The following TRIM72 variants were observed in gnomAD, a reference collection of about 807,000 sequenced individuals.
The protein encoded by TRIM72 is tripartite motif-containing protein 72.
A neutral mutation model predicts 31.6 loss-of-function variants in TRIM72; 33 were observed. The observed-to-expected ratio is 1.04, with a 90% confidence interval of 0.79 to 1.40. TRIM72 has a LOEUF of 1.40. TRIM72 is among the 40% of genes most tolerant of loss of function. The pLI is 0.00. For synonymous variants in TRIM72, 301 were observed against 314.4 expected, an observed-to-expected ratio of 0.96 and a Z score of 0.45; for missense variants, 666 against 682.7, an observed-to-expected ratio of 0.98 and a Z score of 0.27.
rs2079566422 is a variant in TRIM72 at position 31,230,475 on chromosome 16, C to T, written c.*5720C>T. Reference sequence around the variant, plus strand: ...GGCGTGGTGGCTCACGCCTGTAATCCCAGCACTTTGGGAGGCTGAGGCAGG... The same window carrying T: ...GGCGTGGTGGCTCACGCCTGTAATCTCAGCACTTTGGGAGGCTGAGGCAGG... On this transcript the variant is annotated 3_prime_UTR_variant, in exon 7 of 7. Transcript: ENST00000322122. The T allele has an allele frequency of 6.6e-6, 1 of 152,554 alleles. No individual in the cohort carries two copies. 9.5% of individuals were successfully genotyped at this position (152,554 alleles called of 1,614,324 possible).
Position 31,215,871 on chromosome 16 carries a change from G to C in TRIM72, c.390+743G>C, listed in dbSNP as rs1424019672. On this transcript the variant is annotated intron_variant, in intron 2 of 6. Transcript: ENST00000322122. This position sits in a 1 kb window ranked among gnomAD's most constrained non-coding sequence, Gnocchi z 6.3. ...AGAGACACCCAGACAGAGGCAAATA[G>C]AGACGAACGCACACTGGCTGGTGCG... The C allele has an allele frequency of 6.6e-6, 1 of 152,306 alleles. No homozygotes were observed. The highest frequency in any genetic ancestry group is 1.5e-5 in the Non-Finnish European group (1 of 68,072). The allele number at this position is 152,306 out of a possible 1,614,324, so 9.4% of individuals were successfully genotyped here.
At chr16:31,223,567 C>A (rs1260545125) in intron 6 of TRIM72, among the ~76,000 whole-genome samples, 1 of 152,128 alleles carries the variant, frequency 6.6e-6, no homozygotes, top group African/African-American at 2.4e-5. Flanking sequence ...GGGCCTTGGG[C>A]CTTGTCTGGG....
In TRIM72 at chr16:31,216,742, C is replaced by T. The variant is rs577520252; in HGVS notation, c.390+1614C>T. 2 of 1,586,896 alleles carry T rather than the reference C, an allele frequency of 1.3e-6. No individual in the cohort carries two copies. Among genetic ancestry groups the T allele is most frequent in the Non-Finnish European group, 1.7e-6 (2 of 1,161,944 alleles). ...CGGGGTTGGGTCCCGAGATCACGTACCAGCTCAGAGTGGCCCTCACGCAGC... is the reference window on the plus strand; with the variant it reads ...CGGGGTTGGGTCCCGAGATCACGTATCAGCTCAGAGTGGCCCTCACGCAGC... On this transcript the variant is annotated intron_variant, in intron 2 of 6. Transcript: ENST00000322122. This position sits in a 1 kb window ranked among gnomAD's most constrained non-coding sequence, Gnocchi z 6.7.
In TRIM72 at chr16:31,215,855, C is replaced by T. The variant is rs1045692293; in HGVS notation, c.390+727C>T. 1 of 152,244 alleles carries T rather than the reference C, an allele frequency of 6.6e-6. No individual in the cohort carries two copies. The highest frequency in any genetic ancestry group is 2.4e-5 in the African/African-American group (1 of 41,454). The allele number at this position is 152,244 out of a possible 1,614,324, so 9.4% of individuals were successfully genotyped here. A position where few individuals can be genotyped will look rare whatever the true frequency, so the allele number is the denominator to read the frequency against. On this transcript the variant is annotated intron_variant, in intron 2 of 6. Transcript: ENST00000322122. The surrounding 1 kb of genome is among the most constrained non-coding windows in gnomAD (Gnocchi z 6.3). ...TCCCGAAGTACCCAGCAGAGACACC[C>T]AGACAGAGGCAAATAGAGACGAACG...
At position 31,219,473 on chromosome 16, in the gene TRIM72, A is replaced by T. The variant is rs773120703; in HGVS notation, c.671A>T (p.Lys224Met). 1.9e-6 allele frequency: 3 copies of T among 1,610,938 alleles called. No homozygotes were observed. The Admixed American group carries it at 5.1e-5, about 27-fold the overall frequency. The change falls in exon 4 of 7, where the codon AAG becomes ATG. Residue 224 changes from lysine to methionine, a missense_variant. Transcript: ENST00000322122. The surrounding 1 kb of genome is among the most constrained non-coding windows in gnomAD (Gnocchi z 4.2). ...CTGGAGCAGCTGCGGCAGATGGAGA[A>T]GGTCCTGGAGGAGGTGGCGGACAAG... ...SYLEQLRQME[K>M]VLEEVADKPQ...
At position 31,219,276 on chromosome 16, in the gene TRIM72, C is replaced by T; in HGVS notation, c.487-13C>T. 8.1e-6 allele frequency: 13 copies of T among 1,614,184 alleles called. No homozygotes were observed. The highest frequency in any genetic ancestry group is 1.1e-5 in the Non-Finnish European group (13 of 1,180,034). On this transcript the variant is annotated splice_polypyrimidine_tract_variant and intron_variant, in intron 3 of 6. Coordinates refer to ENST00000322122, the MANE Select transcript of TRIM72 (RefSeq NM_001008274.4). The surrounding 1 kb of genome is among the most constrained non-coding windows in gnomAD (Gnocchi z 4.2). ...GAGTCTTTATCCCTTCAATCACTGC[C>T]CCATCCCTGCAGGAGACAGTGCGTC...
At position 31,216,654 on chromosome 16, in the gene TRIM72, C is replaced by T. The variant is rs1367277156; in HGVS notation, c.390+1526C>T. The T allele has an allele frequency of 2.6e-5, 36 of 1,391,948 alleles. No homozygotes were observed. Among genetic ancestry groups the T allele is most frequent in the Non-Finnish European group, 3.3e-5 (34 of 1,025,602 alleles). The allele number at this position is 1,391,948 out of a possible 1,614,324, so 86.2% of individuals were successfully genotyped here. A position where few individuals can be genotyped will look rare whatever the true frequency, so the allele number is the denominator to read the frequency against. On this transcript the variant is annotated intron_variant, in intron 2 of 6. Transcript: ENST00000322122. This position sits in a 1 kb window ranked among gnomAD's most constrained non-coding sequence, Gnocchi z 6.7. ...TCTGAGGGAGGACCCCAGGAGGGAC[C>T]CTGAAGGAGGGGAACAGGAAGGCTC...
Position 31,224,631 on chromosome 16 carries a change from C to T in TRIM72, c.1310C>T (p.Pro437Leu), listed in dbSNP as rs1281267789. 111 of 1,548,916 alleles carry T rather than the reference C, an allele frequency of 7.2e-5. No individual in the cohort carries two copies. Among genetic ancestry groups the T allele is most frequent in the Non-Finnish European group, 8.1e-5 (94 of 1,153,458 alleles). The change falls in exon 7 of 7, where the codon CCG (proline) becomes CTG (leucine). Residue 437 changes from proline to leucine, a missense_variant. Pro to Leu is a moderately conservative substitution (Grantham distance 98). Transcript: ENST00000322122. ...GCCAGCGACGCCGACGCGCTCGTGCCGCTTTTTGCCTTCCACGAGCGCCTG... is the reference window on the plus strand; with the variant it reads ...GCCAGCGACGCCGACGCGCTCGTGCTGCTTTTTGCCTTCCACGAGCGCCTG... ...YDASDADALV[P>L]LFAFHERLPR...
chr16:31,219,860 T>G lies in TRIM72; in HGVS notation c.717+341T>G, dbSNP rs2079525929. 6.9e-6 allele frequency among the ~76,000 whole-genome samples: 1 copy of G among 145,694 alleles called. No individual in the cohort carries two copies. On this transcript the variant is annotated intron_variant, in intron 4 of 6. Coordinates refer to ENST00000322122, the MANE Select transcript of TRIM72 (RefSeq NM_001008274.4). The surrounding 1 kb of genome is among the most constrained non-coding windows in gnomAD (Gnocchi z 4.2). ...TCACTGCAAGCTCCGCCTCCTGGGT[T>G]CATGCTATTCTCCTGCCTCAGCCTC...
In TRIM72 at chr16:31,219,396, G is replaced by A. The variant is rs747071653; in HGVS notation, c.594G>A (p.Arg198=). The part of the protein sequence containing the change: ...GSLDREAERV[R]GEAGVALRRE... ...TGGACCGCGAGGCAGAGCGTGTACG[G>A]GGTGAGGCAGGGGTCGCCTTGCGCC... Residue 198 remains arginine (R), a synonymous_variant, in exon 4 of 7, where the codon CGG becomes CGA. Coordinates refer to ENST00000322122, the MANE Select transcript of TRIM72 (RefSeq NM_001008274.4). The surrounding 1 kb of genome is among the most constrained non-coding windows in gnomAD (Gnocchi z 4.2). 3 of 1,613,982 alleles carry A rather than the reference G, an allele frequency of 1.9e-6. No individual in the cohort carries two copies. The highest frequency in any genetic ancestry group is 2.5e-6 in the Non-Finnish European group (3 of 1,179,942).
rs1223412440 is a variant in TRIM72 at position 31,226,570 on chromosome 16, A to G, written c.*1815A>G. On this transcript the variant is annotated 3_prime_UTR_variant, in exon 7 of 7. Transcript: ENST00000322122. Reference sequence around the variant, plus strand: ...TCTTGAACGTTGAGGAAGCCAGCCAAGAGAAAGAGCCTGATGCCAAGGTCA... The same window carrying G: ...TCTTGAACGTTGAGGAAGCCAGCCAGGAGAAAGAGCCTGATGCCAAGGTCA... The G allele has an allele frequency of 6.6e-6, 1 of 152,256 alleles. No homozygotes were observed. The allele number at this position is 152,256 out of a possible 1,614,324, so 9.4% of individuals were successfully genotyped here.
rs901958860 is a variant in TRIM72, at chr16:31,224,924, C to T, written c.*169C>T. 2 of 649,762 alleles carry T rather than the reference C, an allele frequency of 3.1e-6. No individual in the cohort carries two copies. Among genetic ancestry groups the T allele is most frequent in the Admixed American group, 7.7e-5 (2 of 25,964 alleles). 40.2% of individuals were successfully genotyped at this position (649,762 alleles called of 1,614,324 possible). ...GCGTGGGGTAGGACTGGCTTGGTGG[C>T]TCATGCCTGTAATCCCAGCACTTTG... On this transcript the variant is annotated 3_prime_UTR_variant, in exon 7 of 7. Coordinates refer to ENST00000322122, the MANE Select transcript of TRIM72 (RefSeq NM_001008274.4).
Position 31,222,809 on chromosome 16 carries a change from T to TCCCCCCCCCCCC in TRIM72, c.741-14_741-13insCCCCCCCCCCCC. 1 of 505,034 alleles carries TCCCCCCCCCCCC rather than the reference T, an allele frequency of 2.0e-6. No individual in the cohort carries two copies. Among genetic ancestry groups the TCCCCCCCCCCCC allele is most frequent in the Non-Finnish European group, 3.4e-6 (1 of 291,458 alleles). The allele number at this position is 505,034 out of a possible 1,614,324, so 31.3% of individuals were successfully genotyped here. A position where few individuals can be genotyped will look rare whatever the true frequency, so the allele number is the denominator to read the frequency against. On this transcript the variant is annotated splice_polypyrimidine_tract_variant and intron_variant, in intron 5 of 6. Coordinates refer to ENST00000322122, the MANE Select transcript of TRIM72 (RefSeq NM_001008274.4). ...CTCCCCCCTCACACATGCCTCCCCT[T>TCCCCCCCCCCCC]CCCCTCCCCACCCCCAGGCTGCAGA... is the stretch of plus-strand genomic sequence containing the variant.
rs774961699 is a variant in TRIM72 at position 31,222,858 on chromosome 16, C to A, written c.772C>A (p.Pro258Thr). ...GAAGATCCTGGCAGAGTCTCCCCCA[C>A]CCGCCCGTCTGGACATCCAGCTGCC... is the stretch of plus-strand genomic sequence containing the variant. ...LQKILAESPP[P>T]ARLDIQLPII... is the part of the protein sequence containing the mutation. The change falls in exon 6 of 7, where the codon CCC (proline) becomes ACC (threonine). Residue 258 changes from proline (P) to threonine (T), a missense_variant. Transcript: ENST00000322122. 13 of 1,546,298 alleles carry A rather than the reference C, an allele frequency of 8.4e-6. No individual in the cohort carries two copies. Among genetic ancestry groups the A allele is most frequent in the East Asian group, 5.3e-5 (2 of 37,782 alleles).
rs892514526 is a variant in TRIM72, at chr16:31,222,944, A to G, written c.858A>G (p.Pro286=). The change falls in exon 6 of 7, where the codon CCA becomes CCG. Residue 286 remains proline (P), a splice_region_variant and synonymous_variant. Transcript: ENST00000322122. ...VWRKMFRALM[P]ALEELTFDPS... The stretch of plus-strand genomic sequence containing the variant: ...GGAAGATGTTCCGGGCTCTGATGCC[A>G]GGTACCGGGAGGGACTGGCTCAGGT... 2 of 1,579,384 alleles carry G rather than the reference A, an allele frequency of 1.3e-6. No homozygotes were observed. Among genetic ancestry groups the G allele is most frequent in the Non-Finnish European group, 1.7e-6 (2 of 1,164,072 alleles).
At chr16:31,223,723 G>T (rs1378554197) in intron 6 of TRIM72, among the ~76,000 whole-genome samples, 1 of 152,018 alleles carries the variant, frequency 6.6e-6, no homozygotes, top group African/African-American at 2.4e-5. Flanking sequence ...GGGCAACATA[G>T]TGAGAACACC....
chr16:31,224,409 C>G lies in TRIM72; in HGVS notation c.1088C>G (p.Ala363Gly). 1 of 1,425,438 alleles carries G rather than the reference C, an allele frequency of 7.0e-7. No individual in the cohort carries two copies. Among genetic ancestry groups the G allele is most frequent in the Non-Finnish European group, 9.1e-7 (1 of 1,100,226 alleles). 88.3% of individuals were successfully genotyped at this position (1,425,438 alleles called of 1,614,324 possible). The change falls in exon 7 of 7, where the codon GCG becomes GGG. Residue 363 changes from alanine to glycine, a missense_variant. Coordinates refer to ENST00000322122, the MANE Select transcript of TRIM72 (RefSeq NM_001008274.4). ...CCGCGCTGGGCGCTGGGCGTGATCGCGGCCGAGGCCCCCCGCCGCGGGCGC... is the reference window on the plus strand; with the variant it reads ...CCGCGCTGGGCGCTGGGCGTGATCGGGGCCGAGGCCCCCCGCCGCGGGCGC... ...DKPRWALGVI[A>G]AEAPRRGRLH...
chr16:31,220,634 AT>A, intron 4 of TRIM72, among the ~76,000 whole-genome samples: 1 of 149,852 alleles, frequency 6.7e-6, no homozygotes, highest in African/African-American at 2.5e-5. Flanking sequence ...ATGCCCAGCT[AT>A]TTTTTTTGTA....
chr16:31,224,900 C>CCAGTCCTACCCCACGCTTGTCA lies in TRIM72; in HGVS notation c.*145_*146insCAGTCCTACCCCACGCTTGTCA. On this transcript the variant is annotated 3_prime_UTR_variant, in exon 7 of 7. Coordinates refer to ENST00000322122, the MANE Select transcript of TRIM72 (RefSeq NM_001008274.4). ...GGGGATCTCCCAGAATACTGACAAG[C>CCAGTCCTACCCCACGCTTGTCA]GTGGGGTAGGACTGGCTTGGTGGCT... 1 of 852,738 alleles carries CCAGTCCTACCCCACGCTTGTCA rather than the reference C, an allele frequency of 1.2e-6. No individual in the cohort carries two copies. Among genetic ancestry groups the CCAGTCCTACCCCACGCTTGTCA allele is most frequent in the Non-Finnish European group, 1.7e-6 (1 of 596,244 alleles). The allele number at this position is 852,738 out of a possible 1,614,324, so 52.8% of individuals were successfully genotyped here.
Sources: allele counts gnomAD v4.1 joint callset (sites outside exome capture counted in the v4.1 genomes callset), GRCh38; gene constraint gnomAD v4.1.1; non-coding constraint Gnocchi (gnomAD v3.1); transcripts MANE v1.5; gene names NCBI Gene and HGNC (gene_info 2026-07-23, HGNC 2026-07-21).